The following REDIC1 variants were observed in gnomAD, a reference collection of about 807,000 sequenced individuals.
REDIC1 encodes the protein regulator of DNA class I crossover intermediates 1.
At chr12:39,812,446 CTCTT>C in the REDIC1 span, among the ~76,000 whole-genome samples, 13 of 143,278 alleles carry the variant, frequency 9.1e-5, no homozygotes, top group South Asian at 4.4e-4. Flanking sequence ...TTTCTTTCTT[CTCTT>C]TCTTTCTTTC....
At chr12:39,676,747 C>T in the REDIC1 span, among the ~76,000 whole-genome samples, 33 of 152,234 alleles carry the variant, frequency 2.2e-4, no homozygotes, top group African/African-American at 7.0e-4. Flanking sequence ...GTAAGATTAA[C>T]AAGAGATTTC....
the REDIC1 span, among the ~76,000 whole-genome samples, chr12:39,645,408 G>A: frequency 6.6e-6 from 1 of 151,978 alleles, no homozygotes. Context: ...AAGAGTGATG[G>A]TGCAGTGGGC....
the REDIC1 span, among the ~76,000 whole-genome samples, chr12:39,841,501 A>G: frequency 6.6e-6 from 1 of 152,120 alleles, no homozygotes; most frequent in Non-Finnish European, 1.5e-5. Flanking sequence ...CAACATAGTT[A>G]AAAACCTCAA....
the REDIC1 span, among the ~76,000 whole-genome samples, chr12:39,701,897 C>G: frequency 6.6e-6 from 1 of 151,916 alleles, no homozygotes; most frequent in Non-Finnish European, 1.5e-5. Flanking sequence ...CCAACGAGAA[C>G]AAAGACACAA....
the REDIC1 span, among the ~76,000 whole-genome samples, chr12:39,889,961 A>T: frequency 6.6e-6 from 1 of 152,082 alleles, no homozygotes; most frequent in Admixed American, 6.6e-5. Context: ...CTTTCAACTA[A>T]TCTCTGGCCA....
the REDIC1 span, among the ~76,000 whole-genome samples, chr12:39,903,012 T>G: frequency 7.0e-4 from 107 of 152,284 alleles, 1 homozygote; most frequent in African/African-American, 2.5e-3. Flanking sequence ...GATGGAAAGT[T>G]AAATTACTGT....
At chr12:39,841,469 T>C in the REDIC1 span, among the ~76,000 whole-genome samples, 1 of 152,094 alleles carries the variant, frequency 6.6e-6, no homozygotes, top group East Asian at 1.9e-4. Flanking sequence ...TGTTTTTCTG[T>C]TACACTGAAT....
the REDIC1 span, among the ~76,000 whole-genome samples, chr12:39,703,718 G>C: frequency 6.6e-6 from 1 of 152,226 alleles, no homozygotes; most frequent in East Asian, 1.9e-4. Flanking sequence ...CATGGTACTG[G>C]TACCAAAAGA....
chr12:39,757,308 T>C, the REDIC1 span: 1 of 151,978 alleles, frequency 6.6e-6, no homozygotes, highest in East Asian at 1.9e-4. Context: ...TCTGCTTTAA[T>C]ATGGTAGGTC....
the REDIC1 span, among the ~76,000 whole-genome samples, chr12:39,710,728 G>A: frequency 7.3e-5 from 11 of 151,498 alleles, no homozygotes; most frequent in Non-Finnish European, 1.5e-4. Flanking sequence ...TACTACTTTT[G>A]TATCTTCTAT....
chr12:39,767,766 C>T, the REDIC1 span, among the ~76,000 whole-genome samples: 2 of 152,102 alleles, frequency 1.3e-5, no homozygotes, highest in South Asian at 4.1e-4. Flanking sequence ...TGGTTACCCT[C>T]ATGCTGTTCT....
chr12:39,770,327 G>T, the REDIC1 span, among the ~76,000 whole-genome samples: 1 of 152,114 alleles, frequency 6.6e-6, no homozygotes, highest in African/African-American at 2.4e-5. Context: ...TCTAGATCCT[G>T]CCATGGCCTC....
the REDIC1 span, among the ~76,000 whole-genome samples, chr12:39,711,623 A>G: frequency 6.4e-5 from 4 of 62,904 alleles, no homozygotes; most frequent in East Asian, 2.0e-3. Context: ...GTATGTGTAT[A>G]CACGTATGTG....
the REDIC1 span, among the ~76,000 whole-genome samples, chr12:39,898,494 C>T: frequency 8.9e-6 from 1 of 112,558 alleles, no homozygotes; most frequent in Non-Finnish European, 2.1e-5. Flanking sequence ...CTATAGTAGC[C>T]ACGCTTTTCC....
chr12:39,702,528 C>G, the REDIC1 span, among the ~76,000 whole-genome samples: 1 of 152,206 alleles, frequency 6.6e-6, no homozygotes, highest in South Asian at 2.1e-4. Flanking sequence ...GGTACCATTC[C>G]TTCTGAAACT....
At chr12:39,807,432 T>C in the REDIC1 span, among the ~76,000 whole-genome samples, 2 of 152,328 alleles carry the variant, frequency 1.3e-5, no homozygotes, top group Middle Eastern at 3.4e-3. Context: ...CAAGTTGTTA[T>C]TCAGGGGAAC....
chr12:39,889,355 A>G, the REDIC1 span, among the ~76,000 whole-genome samples: 1 of 152,006 alleles, frequency 6.6e-6, no homozygotes, highest in Non-Finnish European at 1.5e-5. Context: ...GTATTGGCAG[A>G]ATCTTGCAAT....
the REDIC1 span, among the ~76,000 whole-genome samples, chr12:39,803,321 G>C: frequency 2.0e-5 from 3 of 151,878 alleles, no homozygotes; most frequent in Non-Finnish European, 2.9e-5. Flanking sequence ...CAAAATGCAT[G>C]AGGAAACAAT....
chr12:39,720,737 T>C, the REDIC1 span: 1 of 1,359,622 alleles, frequency 7.4e-7, no homozygotes, highest in Non-Finnish European at 1.0e-6. Context: ...ATTGAATGCA[T>C]TTTTAAAATG....
Sources: allele counts gnomAD v4.1 joint callset (sites outside exome capture counted in the v4.1 genomes callset), GRCh38; gene constraint gnomAD v4.1.1; transcripts MANE v1.5; gene names NCBI Gene and HGNC (gene_info 2026-07-23, HGNC 2026-07-21).